The following DENND4C variants were observed in gnomAD, a reference collection of about 807,000 sequenced individuals.
DENND4C encodes DENN domain containing 4C.
DENND4C carries 108 observed loss-of-function variants against 203.0 expected under a neutral mutation model. That is an observed-to-expected ratio of 0.53 (90% CI 0.46 to 0.62). The LOEUF (loss-of-function observed/expected upper bound fraction) is 0.62, where lower values mean the gene tolerates loss of function less well. Ranked by LOEUF, DENND4C falls within the 20% of genes least tolerant of loss-of-function variation. DENND4C has a pLI of 0.00. For missense variants in DENND4C, 2,481 were observed against 2,301.2 expected (o/e 1.08, Z -1.60); for synonymous variants, 871 against 792.4 (o/e 1.10, Z -1.67).
At chr9:19,269,675 T>C (rs930668231) in intron 1 of DENND4C, among the ~76,000 whole-genome samples, 7 of 152,240 alleles carry the variant, frequency 4.6e-5, no homozygotes, top group African/African-American at 1.4e-4. Flanking sequence ...TTGAATTTCA[T>C]TGAGCTTCTT....
chr9:19,315,897 G>A (rs1206193804), intron 10 of DENND4C, among the ~76,000 whole-genome samples: 6 of 151,746 alleles, frequency 4.0e-5, no homozygotes. Flanking sequence ...GTAGAGACGG[G>A]GTTTCACCAT....
intron 8 of DENND4C, among the ~76,000 whole-genome samples, chr9:19,299,889 G>A (rs1838202525): frequency 6.6e-6 from 1 of 152,072 alleles, no homozygotes; most frequent in African/African-American, 2.4e-5. Flanking sequence ...TCTTGCCCCA[G>A]GGCCCTTGCA....
At chr9:19,257,436 A>G (rs901407406) in intron 1 of DENND4C, among the ~76,000 whole-genome samples, 5 of 152,092 alleles carry the variant, frequency 3.3e-5, no homozygotes, top group African/African-American at 1.2e-4. Context: ...GATTTGTAGC[A>G]CTAAATAACT....
chr9:19,305,210 C>G, intron 9 of DENND4C, 142 bp from the exon 10 acceptor site: 3 of 639,108 alleles, frequency 4.7e-6, no homozygotes, highest in Non-Finnish European at 7.8e-6. Context: ...ATTTTATAGT[C>G]ATTTAGTTTT....
intron 30 of DENND4C, among the ~76,000 whole-genome samples, chr9:19,367,516 A>G (rs941520936): frequency 6.6e-6 from 1 of 152,246 alleles, no homozygotes; most frequent in African/African-American, 2.4e-5. Context: ...CCGGCAGATC[A>G]CTTGAGGTCA....
In DENND4C at chr9:19,358,100, C is replaced by G; in HGVS notation, c.5100C>G (p.Thr1700=). Reference sequence around the variant, plus strand: ...GCCCATTGCAGAATATTGACTTTACCCAGCGACCGTTTCATGGCATCTCAA... The same window carrying G: ...GCCCATTGCAGAATATTGACTTTACGCAGCGACCGTTTCATGGCATCTCAA... The part of the protein sequence containing the change: ...VGGPLQNIDF[T]QRPFHGISTV... Residue 1700 remains threonine, a synonymous_variant, in exon 28 of 33, where the codon ACC becomes ACG. Coordinates refer to ENST00000434457, the MANE Select transcript of DENND4C (RefSeq NM_001330640.2). The surrounding 1 kb of genome is among the most constrained non-coding windows in gnomAD (Gnocchi z 4.8). The G allele has an allele frequency of 3.7e-6, 6 of 1,613,756 alleles. No individual in the cohort carries two copies. Among genetic ancestry groups the G allele is most frequent in the Non-Finnish European group, 5.1e-6 (6 of 1,179,800 alleles).
chr9:19,240,979 T>TGGAACGCAGAACAGAAC (rs1823549527), intron 1 of DENND4C, among the ~76,000 whole-genome samples: 2 of 151,764 alleles, frequency 1.3e-5, no homozygotes, highest in Admixed American at 6.6e-5. Context: ...CAGAACAGAA[T>TGGAACGCAGAACAGAAC]GGAACGCAGA....
intron 10 of DENND4C, 56 bp from the exon 11 acceptor site, chr9:19,316,361 C>G: frequency 7.1e-7 from 1 of 1,410,988 alleles, no homozygotes; most frequent in Non-Finnish European, 9.8e-7. Context: ...AGAATTTTGT[C>G]TAGTAAAAGC....
At position 19,369,864 on chromosome 9, in the gene DENND4C, C is replaced by T. The variant is rs1175142983; in HGVS notation, c.5552C>T (p.Ser1851Leu). The T allele has an allele frequency of 2.5e-6, 4 of 1,608,792 alleles. No homozygotes were observed. Among genetic ancestry groups the T allele is most frequent in the Non-Finnish European group, 3.4e-6 (4 of 1,178,122 alleles). The change falls in exon 31 of 33, where the codon TCA becomes TTA. Residue 1851 changes from serine (S) to leucine (L), a missense_variant. Around this residue, in one of 3 missense-constraint regions of DENND4C, gnomAD observed 2,289 missense variants for 2,113.3 expected, o/e 1.08. Coordinates refer to ENST00000434457, the MANE Select transcript of DENND4C (RefSeq NM_001330640.2). ...TCTGAAAAGAAATCATCTCTCCTGT[C>T]AGAGGAACAACAAGAAACAAGCACT... ...FNSEKKSSLLSEEQQETSTLV... is the reference protein window; with the variant it reads ...FNSEKKSSLLLEEQQETSTLV...
At chr9:19,250,606 C>T (rs181985168) in intron 1 of DENND4C, among the ~76,000 whole-genome samples, 18 of 152,236 alleles carry the variant, frequency 1.2e-4, no homozygotes, top group South Asian at 4.1e-4. Context: ...AAGTTTCCTC[C>T]GCCGATTAGC....
rs1832893269 is a variant in DENND4C, at chr9:19,276,283, A to G, written c.109A>G (p.Thr37Ala). ...QEINRLDTKS[T>A]GPKAPITDIA... ...AATAAATCGTTTAGATACTAAGTCA[A>G]CTGGACCTAAAGCTCCAATTACAGA... Residue 37 changes from threonine (T) to alanine (A), a missense_variant, in exon 2 of 33, where the codon ACT (threonine) becomes GCT (alanine). Thr to Ala is a moderately conservative substitution (Grantham distance 58, BLOSUM62 0). This residue lies in a region of DENND4C where 187 missense variants were observed against 167.4 expected (regional missense o/e 1.12). Coordinates refer to ENST00000434457, the MANE Select transcript of DENND4C (RefSeq NM_001330640.2). 7 of 1,232,002 alleles carry G rather than the reference A, an allele frequency of 5.7e-6. No homozygotes were observed. Among genetic ancestry groups the G allele is most frequent in the African/African-American group, 1.6e-5 (1 of 64,424 alleles). The allele number at this position is 1,232,002 out of a possible 1,614,324, so 76.3% of individuals were successfully genotyped here. A position where few individuals can be genotyped will look rare whatever the true frequency, so the allele number is the denominator to read the frequency against.
In DENND4C at chr9:19,259,482, T is replaced by C. The variant is rs1461813067; in HGVS notation, c.-17-16676T>C. Among the ~76,000 whole-genome samples the C allele has an allele frequency of 2.0e-5, 3 of 151,526 alleles. No homozygotes were observed. The East Asian group carries it at 5.8e-4, about 29-fold the overall frequency. On this transcript the variant is annotated intron_variant, in intron 1 of 32. Coordinates refer to ENST00000434457, the MANE Select transcript of DENND4C (RefSeq NM_001330640.2). Reference sequence around the variant, plus strand: ...TGAATAGTACTCCGTTGGGTATATATACCATATTTTCTTTTCTTTTTTCTT... The same window carrying C: ...TGAATAGTACTCCGTTGGGTATATACACCATATTTTCTTTTCTTTTTTCTT...
intron 2 of DENND4C, among the ~76,000 whole-genome samples, chr9:19,278,280 C>T (rs996077540): frequency 1.3e-5 from 2 of 151,990 alleles, no homozygotes; most frequent in African/African-American, 2.4e-5. Flanking sequence ...GGATTACAGG[C>T]GTGCACCACT....
chr9:19,267,796 C>T (rs1830814964), intron 1 of DENND4C, among the ~76,000 whole-genome samples: 1 of 152,090 alleles, frequency 6.6e-6, no homozygotes, highest in Admixed American at 6.6e-5. Flanking sequence ...GCATCAGCCT[C>T]CTAAAGTGCT....
chr9:19,256,016 T>C (rs1453590531), intron 1 of DENND4C, among the ~76,000 whole-genome samples: 1 of 151,746 alleles, frequency 6.6e-6, no homozygotes, highest in Non-Finnish European at 1.5e-5. Flanking sequence ...GGTGGGAGGA[T>C]TGCTTGAGGC....
Position 19,346,490 on chromosome 9 carries a change from G to A in DENND4C, c.3721G>A (p.Val1241Ile), listed in dbSNP as rs752260475. The change falls in exon 23 of 33, where the codon GTT (valine) becomes ATT (isoleucine). Residue 1241 changes from valine (V) to isoleucine (I), a missense_variant. Transcript: ENST00000434457. ...TAGTTTATATGGTATTGCTAAGGTG[G>A]TTCAGAGGGAAGATGTTGAAACTGG... is the stretch of plus-strand genomic sequence containing the variant. ...RSSLYGIAKVVQREDVETGLD... is the reference protein window; with the variant it reads ...RSSLYGIAKVIQREDVETGLD... 1 of 1,614,162 alleles carries A rather than the reference G, an allele frequency of 6.2e-7. No homozygotes were observed. Among genetic ancestry groups the A allele is most frequent in the South Asian group, 1.1e-5 (1 of 91,074 alleles).
At chr9:19,336,524 C>A in intron 19 of DENND4C, 110 bp downstream of exon 19, 2 of 1,444,362 alleles carry the variant, frequency 1.4e-6, no homozygotes, top group Non-Finnish European at 1.8e-6. Flanking sequence ...GACATTTTCA[C>A]ATACATTTAA....
chr9:19,335,732 C>T (rs1032500342), intron 18 of DENND4C, among the ~76,000 whole-genome samples: 1 of 151,968 alleles, frequency 6.6e-6, no homozygotes, highest in East Asian at 1.9e-4. Flanking sequence ...TGTATATATA[C>T]CACATTTTCT....
At chr9:19,332,498 A>G (rs1405700506) in intron 17 of DENND4C, among the ~76,000 whole-genome samples, 2 of 149,262 alleles carry the variant, frequency 1.3e-5, no homozygotes, top group East Asian at 2.0e-4. Context: ...TTACAGGCAC[A>G]TGTTACCATA....
Sources: gnomAD v4.1 joint callset for allele counts (sites outside exome capture counted in the v4.1 genomes callset) on GRCh38, gnomAD v4.1.1 for gene constraint, gnomAD v4.1.1 regional missense constraint, Gnocchi (gnomAD v3.1) non-coding constraint, MANE v1.5 for transcripts, NCBI Gene and HGNC (gene_info 2026-07-23, HGNC 2026-07-21) for gene names.